The following STK36 variants were observed in gnomAD, a reference collection of about 807,000 sequenced individuals.
STK36 encodes the protein serine/threonine kinase 36, also known as serine/threonine-protein kinase 36.
Under a neutral mutation model 142.2 loss-of-function variants are expected in STK36, and 116 were observed. That is an observed-to-expected ratio of 0.82 (90% CI 0.70 to 0.95). The LOEUF (loss-of-function observed/expected upper bound fraction) is 0.95, where lower values mean the gene tolerates loss of function less well. Ranked by LOEUF, STK36 falls within the 40% of genes least tolerant of loss-of-function variation. The pLI is 0.00. For synonymous variants in STK36, 619 were observed against 641.7 expected (o/e 0.96, Z 0.53); for missense variants, 1,422 against 1,617.2 (o/e 0.88, Z 2.07).
chr2:218,696,710 A>G, intron 22 of STK36, 109 bp downstream of exon 22: 1 of 1,197,066 alleles, frequency 8.4e-7, no homozygotes, highest in South Asian at 1.2e-5. Flanking sequence ...TTCCCTCTCA[A>G]GCTACTGTGC....
intron 5 of STK36, 119 bp downstream of exon 5, chr2:218,675,592 TC>T: frequency 8.2e-7 from 1 of 1,218,924 alleles, no homozygotes; most frequent in Non-Finnish European, 1.1e-6. Flanking sequence ...TGGTGCGATC[TC>T]CACTCACCAC....
intron 2 of STK36, 151 bp from the exon 3 acceptor site, chr2:218,673,474 T>A: frequency 8.9e-7 from 1 of 1,118,634 alleles, no homozygotes; most frequent in Non-Finnish European, 1.2e-6. Flanking sequence ...CAGGGTACCA[T>A]GGAGAAAATG....
intron 10 of STK36, 68 bp downstream of exon 10, chr2:218,680,770 C>G (rs1940482191): frequency 1.0e-5 from 14 of 1,395,334 alleles, no homozygotes; most frequent in Non-Finnish European, 1.4e-5. Flanking sequence ...AGATGTTTTT[C>G]TAGAACAGTG....
rs761354731 is a variant in STK36 at position 218,696,803 on chromosome 2, G to A, written c.2586+202G>A. 5.6e-6 allele frequency: 5 copies of A among 896,150 alleles called. No individual in the cohort carries two copies. In the Admixed American group the frequency reaches 6.8e-5, roughly 12 times the overall value. 55.5% of individuals were successfully genotyped at this position (896,150 alleles called of 1,614,324 possible). On this transcript the variant is annotated intron_variant, in intron 22 of 26. Transcript: ENST00000295709. ...CATTCGCTGCGTCCCCTGGGATCCA[G>A]TGGGAGATAAAATGAATTCCCTGGG...
intron 10 of STK36, 46 bp downstream of exon 10, chr2:218,680,748 T>G: frequency 6.5e-7 from 1 of 1,537,964 alleles, no homozygotes; most frequent in Non-Finnish European, 8.9e-7. Flanking sequence ...TCATGGGATG[T>G]TAAGTCTAGG....
chr2:218,697,390 G>T, intron 23 of STK36, 73 bp from the exon 24 acceptor site: 4 of 1,581,224 alleles, frequency 2.5e-6, no homozygotes, highest in Non-Finnish European at 3.4e-6. Context: ...GTGTAGCCCT[G>T]GGAGCTGTGG....
rs1940092238 is a variant in STK36, at chr2:218,673,656, G to A, written c.116G>A (p.Gly39Glu). The change falls in exon 3 of 27, where the codon GGG (glycine) becomes GAG (glutamate). Residue 39 changes from glycine to glutamate, a missense_variant. Gly to Glu is a moderately conservative substitution (Grantham distance 98). Coordinates refer to ENST00000295709, the MANE Select transcript of STK36 (RefSeq NM_015690.5). ...VVALKFIPKL[G>E]RSEKELRNLQ... ...GCCCTGAAGTTCATCCCAAAATTGG[G>A]GCGCTCAGAGAAGGAGCTGAGGAAT... 6.2e-7 allele frequency: 1 copy of A among 1,614,120 alleles called. No homozygotes were observed. The highest frequency in any genetic ancestry group is 1.3e-5 in the African/African-American group (1 of 75,040).
At chr2:218,675,244 A>C in intron 4 of STK36, 99 bp from the exon 5 acceptor site, 1 of 1,313,670 alleles carries the variant, frequency 7.6e-7, no homozygotes. Flanking sequence ...AAGGGAAGGA[A>C]GAAAAGATTA....
chr2:218,675,459 G>GCTCTGTGA lies in STK36; in HGVS notation c.423_430dup (p.Phe144SerfsTer10). 5.6e-6 allele frequency: 9 copies of GCTCTGTGA among 1,609,570 alleles called. No homozygotes were observed. Among genetic ancestry groups the GCTCTGTGA allele is most frequent in the Non-Finnish European group, 6.8e-6 (8 of 1,178,148 alleles). On this transcript the variant is annotated frameshift_variant, in exon 5 of 27. Transcript: ENST00000295709. LOFTEE classifies it high-confidence loss of function. Reference sequence around the variant, plus strand: ...TCCTCGCCAAGGGTGGTGGCATCAAGCTCTGTGACTTTGGGTAAAGATTCT... The same window carrying GCTCTGTGA: ...TCCTCGCCAAGGGTGGTGGCATCAAGCTCTGTGACTCTGTGACTTTGGGTAAAGATTCT...
Position 218,692,651 on chromosome 2 carries a change from C to T in STK36, c.1984C>T (p.Leu662=). 1.2e-6 allele frequency: 2 copies of T among 1,613,738 alleles called. No homozygotes were observed. The highest frequency in any genetic ancestry group is 1.7e-6 in the Non-Finnish European group (2 of 1,180,010). Residue 662 remains leucine, a synonymous_variant, in exon 16 of 27, where the codon CTG becomes TTG. Transcript: ENST00000295709. ...TATACCTGGAGCCATTTCCTCTGCC[C>T]TGGCAGCCATATGCACTGCTCCTGT... ...EDIPGAISSA[L]AAICTAPVGL...
At chr2:218,682,663 G>A (rs1173281995) in intron 10 of STK36, among the ~76,000 whole-genome samples, 3 of 151,874 alleles carry the variant, frequency 2.0e-5, no homozygotes, top group Non-Finnish European at 4.4e-5. Flanking sequence ...ATGTGATCTC[G>A]GCTCACTGTA....
At chr2:218,682,380 T>C (rs1186462669) in intron 10 of STK36, among the ~76,000 whole-genome samples, 1 of 152,184 alleles carries the variant, frequency 6.6e-6, no homozygotes, top group Admixed American at 6.6e-5. Flanking sequence ...CTAAATACTT[T>C]AGCGCATATT....
Position 218,680,671 on chromosome 2 carries a change from G to A in STK36, c.1205G>A (p.Arg402Gln), listed in dbSNP as rs777487860. 18 of 1,613,228 alleles carry A rather than the reference G, an allele frequency of 1.1e-5. No homozygotes were observed. The highest frequency in any genetic ancestry group is 4.0e-5 in the African/African-American group (3 of 74,924). The stretch of plus-strand genomic sequence containing the variant: ...GAGAGGCCAGAGGTGCTGGGCCAGC[G>A]GAGCACTGATGTAGTGGACCTGGAA... ...PEERPEVLGQRSTDVVDLENE... is the reference protein window; with the variant it reads ...PEERPEVLGQQSTDVVDLENE... The change falls in exon 10 of 27, where the codon CGG becomes CAG. Residue 402 changes from arginine to glutamine, a missense_variant. Physicochemically the swap from Arg to Gln is conservative, Grantham distance 43. Transcript: ENST00000295709.
Position 218,702,276 on chromosome 2 carries a change from A to C in STK36, c.*267A>C. On this transcript the variant is annotated 3_prime_UTR_variant, in exon 27 of 27. Coordinates refer to ENST00000295709, the MANE Select transcript of STK36 (RefSeq NM_015690.5). ...ACATCCAGGGGCCTTTTCTCCAATA[A>C]TGTGCCTTTAACTCTAGGGACCTGC... The C allele has an allele frequency of 1.2e-5, 4 of 326,926 alleles. No individual in the cohort carries two copies. The highest frequency in any genetic ancestry group is 1.7e-5 in the Non-Finnish European group (3 of 180,716). The allele number at this position is 326,926 out of a possible 1,614,324, so 20.3% of individuals were successfully genotyped here.
At chr2:218,700,168 G>T (rs957325217) in intron 26 of STK36, among the ~76,000 whole-genome samples, 1 of 151,778 alleles carries the variant, frequency 6.6e-6, no homozygotes, top group African/African-American at 2.4e-5. Flanking sequence ...TGATCCACCT[G>T]CCTTGGCCTC....
intron 26 of STK36, among the ~76,000 whole-genome samples, chr2:218,699,763 C>A (rs1172811291): frequency 6.6e-6 from 1 of 152,144 alleles, no homozygotes; most frequent in Non-Finnish European, 1.5e-5. Flanking sequence ...CTATTATTAT[C>A]CTAATTTTGC....
rs780496043 is a variant in STK36 at position 218,687,961 on chromosome 2, C to T, written c.1381-736C>T. 5.7e-4 allele frequency among the ~76,000 whole-genome samples: 87 copies of T among 152,254 alleles called. 1 individual carries two copies. Among genetic ancestry groups the T allele is most frequent in the Non-Finnish European group, 1.2e-4 (8 of 68,014 alleles). On this transcript the variant is annotated intron_variant, in intron 11 of 26. Coordinates refer to ENST00000295709, the MANE Select transcript of STK36 (RefSeq NM_015690.5). Reference sequence around the variant, plus strand: ...TCACTTGAGGTCAGGAGTTTGAGGCCAGCCTGGCCAACATGGTGAAATCCC... The same window carrying T: ...TCACTTGAGGTCAGGAGTTTGAGGCTAGCCTGGCCAACATGGTGAAATCCC...
At chr2:218,690,399 C>T (rs1288949734) in intron 13 of STK36, 51 bp from the exon 14 acceptor site, 1 of 1,497,772 alleles carries the variant, frequency 6.7e-7, no homozygotes. Context: ...TCACCACATC[C>T]AGGCTTTTAG....
At position 218,697,940 on chromosome 2, in the gene STK36, ACCT is replaced by A. The variant is rs1413952449; in HGVS notation, c.3000_3002del (p.Leu1001del). The A allele has an allele frequency of 6.2e-7, 1 of 1,613,976 alleles. No homozygotes were observed. The highest frequency in any genetic ancestry group is 8.5e-7 in the Non-Finnish European group (1 of 1,180,016). On this transcript the variant is annotated inframe_deletion, in exon 25 of 27. Coordinates refer to ENST00000295709, the MANE Select transcript of STK36 (RefSeq NM_015690.5). ...CCCTTTGCGCTGGACATGGATGCTGACCTCCTTATAGGTGTCTTGGCCGACCTC... is the reference window on the plus strand; with the variant it reads ...CCCTTTGCGCTGGACATGGATGCTGACCTTATAGGTGTCTTGGCCGACCTC...
Sources: allele counts gnomAD v4.1 joint callset (sites outside exome capture counted in the v4.1 genomes callset), GRCh38; gene constraint gnomAD v4.1.1; transcripts MANE v1.5; gene names NCBI Gene and HGNC (gene_info 2026-07-23, HGNC 2026-07-21).